The following ENPP2 variants were observed in gnomAD, a reference collection of about 807,000 sequenced individuals.
ENPP2 encodes autotaxin.
ENPP2 carries 51 observed loss-of-function variants against 120.2 expected under a neutral mutation model. The observed-to-expected ratio is 0.42, with a 90% CI of 0.34 to 0.54. The LOEUF is 0.54. ENPP2 is among the 20% of genes least tolerant of loss of function. The pLI is 0.04. For missense variants in ENPP2, 920 were observed against 1,066.5 expected, an observed-to-expected ratio of 0.86 and a Z score of 1.91; for synonymous variants, 365 against 366.4, an observed-to-expected ratio of 1.00 and a Z score of 0.04.
Position 119,668,940 on chromosome 8 carries a change from C to G in ENPP2, c.21+4312G>C, listed in dbSNP as rs532138490. On this transcript the variant is annotated intron_variant, in intron 1 of 25. Transcript: ENST00000427067. ...CTCTGTCATACACATACACACATAC[C>G]TAGTAATTTGCAATTTAATTTTGGG... 2.3e-3 allele frequency among the ~76,000 whole-genome samples: 349 copies of G among 152,254 alleles called. 2 individuals are homozygous for G. The highest frequency in any genetic ancestry group is 6.4e-3 in the African/African-American group (266 of 41,538).
intron 20 of ENPP2, among the ~76,000 whole-genome samples, chr8:119,569,851 T>C (rs1814816840): frequency 6.6e-6 from 1 of 151,884 alleles, no homozygotes. Flanking sequence ...AGAAGTGTTC[T>C]CCTCCTTTGT....
chr8:119,671,183 C>A (rs996004597), intron 1 of ENPP2, among the ~76,000 whole-genome samples: 8 of 150,804 alleles, frequency 5.3e-5, no homozygotes, highest in African/African-American at 4.9e-5. Context: ...CACCCGTAAT[C>A]CCAGCTACTT....
rs546677865 is a variant in ENPP2 at position 119,606,514 on chromosome 8, A to G, written c.833+1408T>C. On this transcript the variant is annotated intron_variant, in intron 9 of 24. Coordinates refer to ENST00000075322, the MANE Select transcript of ENPP2 (RefSeq NM_001040092.3). ...GTCAAGAGTTAAAGAAATGTCACAC[A>G]TAGGATAACACTGGTAAATCAACAT... Among the ~76,000 whole-genome samples, 5 of 152,262 alleles carry G rather than the reference A, an allele frequency of 3.3e-5. No homozygotes were observed. In the East Asian group the frequency reaches 7.7e-4, roughly 23 times the overall value.
chr8:119,615,479 G>A (rs924140230), intron 8 of ENPP2, among the ~76,000 whole-genome samples: 11 of 152,046 alleles, frequency 7.2e-5, no homozygotes, highest in African/African-American at 1.9e-4. Flanking sequence ...CCATACACAC[G>A]GTCACAGGAA....
chr8:119,602,614 A>C (rs7822457), intron 9 of ENPP2, among the ~76,000 whole-genome samples: 5 of 152,066 alleles, frequency 3.3e-5, no homozygotes, highest in Non-Finnish European at 5.9e-5. Flanking sequence ...CTAAGGCCTC[A>C]CAGCTAACAT....
chr8:119,566,162 T>A (rs1011346989), intron 22 of ENPP2, among the ~76,000 whole-genome samples: 1 of 152,122 alleles, frequency 6.6e-6, no homozygotes, highest in Non-Finnish European at 1.5e-5. Context: ...TTCACTGTCA[T>A]CCCCTGCAGA....
In ENPP2 at chr8:119,593,879, T is replaced by A; in HGVS notation, c.973-19A>T. On this transcript the variant is annotated intron_variant, in intron 11 of 24. Coordinates refer to ENST00000075322, the MANE Select transcript of ENPP2 (RefSeq NM_001040092.3). ...TTGTCATCTAGGAAAAAGAAGCAAG[T>A]TAGTCCCCACAGGGTTTTCTTTCTT... 2 of 1,364,930 alleles carry A rather than the reference T, an allele frequency of 1.5e-6. No homozygotes were observed. Among genetic ancestry groups the A allele is most frequent in the Non-Finnish European group, 2.1e-6 (2 of 952,500 alleles). 84.6% of individuals were successfully genotyped at this position (1,364,930 alleles called of 1,614,324 possible).
intron 1 of ENPP2, among the ~76,000 whole-genome samples, chr8:119,661,783 A>G (rs1480778898): frequency 3.3e-5 from 5 of 152,198 alleles, no homozygotes; most frequent in Non-Finnish European, 7.3e-5. Context: ...GTCCATCAAC[A>G]GATGAATTGA....
intron 5 of ENPP2, chr8:119,618,406 CT>C: frequency 2.2e-6 from 1 of 461,218 alleles, no homozygotes; most frequent in South Asian, 1.5e-5. Flanking sequence ...GTTTGCCTCC[CT>C]TTTCAACAGT....
rs188489943 is a variant in ENPP2, at chr8:119,582,906, G to A, written c.1544-304C>T. On this transcript the variant is annotated intron_variant, in intron 17 of 24. Transcript: ENST00000075322. ...TTGATTAACTATTGCCTGTATCTGC[G>A]ATAGTTACAACCCAAGGGTGATCAA... Among the ~76,000 whole-genome samples, 5 of 152,308 alleles carry A rather than the reference G, an allele frequency of 3.3e-5. 1 individual carries two copies. Among genetic ancestry groups the A allele is most frequent in the East Asian group, 1.9e-4 (1 of 5,190 alleles).
intron 5 of ENPP2, among the ~76,000 whole-genome samples, chr8:119,618,993 T>C (rs1460318145): frequency 1.3e-5 from 2 of 151,940 alleles, no homozygotes; most frequent in Non-Finnish European, 2.9e-5. Flanking sequence ...TCAGCTGAGG[T>C]GGAATATAGG....
intron 18 of ENPP2, among the ~76,000 whole-genome samples, chr8:119,582,160 A>C (rs1812792869): frequency 6.6e-6 from 1 of 152,258 alleles, no homozygotes; most frequent in African/African-American, 2.4e-5. Flanking sequence ...GACTGCACAG[A>C]ATAGCAACAT....
chr8:119,654,308 A>G (rs994895318), intron 1 of ENPP2, among the ~76,000 whole-genome samples: 2 of 142,174 alleles, frequency 1.4e-5, no homozygotes, highest in African/African-American at 5.1e-5. Flanking sequence ...ATCTATATAT[A>G]ATACTTAATA....
chr8:119,587,067 T>G lies in ENPP2; in HGVS notation c.1216A>C (p.Lys406Gln), dbSNP rs1813164290. Residue 406 changes from lysine (K) to glutamine (Q), a missense_variant, in exon 14 of 25, where the codon AAA becomes CAA. Coordinates refer to ENST00000075322, the MANE Select transcript of ENPP2 (RefSeq NM_001040092.3). ...KFSNNAKYDP[K>Q]AIIANLTCKK... is the part of the protein sequence containing the mutation. ...ACCGTGAGATTGGCAATAATGGCTT[T>G]GGGGTCATCTGTTCAAAGAGAGGAG... 1 of 1,608,432 alleles carries G rather than the reference T, an allele frequency of 6.2e-7. No homozygotes were observed. Among genetic ancestry groups the G allele is most frequent in the African/African-American group, 1.3e-5 (1 of 74,910 alleles).
At chr8:119,568,274 A>T in intron 21 of ENPP2, 22 bp from the exon 22 acceptor site, 1 of 1,358,484 alleles carries the variant, frequency 7.4e-7, no homozygotes, top group Non-Finnish European at 1.0e-6. Flanking sequence ...GAAAACAAAT[A>T]GTATACGTTG....
At chr8:119,644,167 T>C (rs1311412009) in intron 1 of ENPP2, among the ~76,000 whole-genome samples, 1 of 152,024 alleles carries the variant, frequency 6.6e-6, no homozygotes, top group Admixed American at 6.6e-5. Context: ...TAATCAGATT[T>C]TGAAGCATTA....
intron 2 of ENPP2, among the ~76,000 whole-genome samples, chr8:119,626,990 T>A (rs2130779478): frequency 6.6e-6 from 1 of 152,208 alleles, no homozygotes; most frequent in Middle Eastern, 3.4e-3. Flanking sequence ...TAGCCGCATG[T>A]CAGACATATA....
In ENPP2 at chr8:119,586,621, A is replaced by G. The variant is rs558789134; in HGVS notation, c.1240-308T>C. ...GGCCTTTCCCAACTCCTTCAAGTCAAGCAGTTGGGGGTGGGGTGTCGGTGG... is the reference window on the plus strand; with the variant it reads ...GGCCTTTCCCAACTCCTTCAAGTCAGGCAGTTGGGGGTGGGGTGTCGGTGG... On this transcript the variant is annotated intron_variant, in intron 14 of 24. Transcript: ENST00000075322. Among the ~76,000 whole-genome samples the G allele has an allele frequency of 9.2e-5, 14 of 152,024 alleles. No homozygotes were observed. In the East Asian group the frequency reaches 1.6e-3, roughly 17 times the overall value.
intron 9 of ENPP2, among the ~76,000 whole-genome samples, chr8:119,604,184 C>T (rs554833344): frequency 6.6e-5 from 10 of 152,082 alleles, no homozygotes; most frequent in South Asian, 4.2e-4. Context: ...CCTGCCACCA[C>T]GCCTGGCTAA....
Sources: allele counts gnomAD v4.1 joint callset (sites outside exome capture counted in the v4.1 genomes callset), GRCh38; gene constraint gnomAD v4.1.1; transcripts MANE v1.5; gene names NCBI Gene and HGNC (gene_info 2026-07-23, HGNC 2026-07-21).